Variants in PRKG1 observed in about 807,000 individuals in gnomAD.
PRKG1 encodes the protein protein kinase cGMP-dependent 1.
PRKG1 carries 35 observed loss-of-function variants against 88.1 expected under a neutral mutation model. The ratio of observed to expected loss-of-function variants is 0.40; its 90% CI spans 0.30 to 0.53. The LOEUF (loss-of-function observed/expected upper bound fraction) is 0.53, where lower values mean the gene tolerates loss of function less well. Among genes scored for constraint, PRKG1 ranks in the 20% least tolerant of loss-of-function variants. The probability of loss-of-function intolerance (pLI) is 0.59; values close to 1 mark genes in which losing one functional copy is unlikely to be tolerated. For synonymous variants in PRKG1, 303 were observed against 292.5 expected (o/e 1.04, Z -0.37); for missense variants, 540 against 839.8 (o/e 0.64, Z 4.41).
intron 4 of PRKG1, among the ~76,000 whole-genome samples, chr10:51,829,147 G>A (rs1049427800): frequency 1.2e-4 from 18 of 152,296 alleles, no homozygotes; most frequent in African/African-American, 1.9e-4. Flanking sequence ...GTTTCTGGCC[G>A]TGTGAACATT....
chr10:51,738,087 AG>A (rs1484138426), intron 3 of PRKG1, among the ~76,000 whole-genome samples: 2 of 151,976 alleles, frequency 1.3e-5, no homozygotes, highest in Non-Finnish European at 2.9e-5. Flanking sequence ...ATTTTTTAAA[AG>A]CTCCCAGGAT....
Position 52,161,960 on chromosome 10 carries a change from C to T in PRKG1, c.1073C>T (p.Ala358Val). The change falls in exon 9 of 18, where the codon GCA (alanine) becomes GTA (valine). Residue 358 changes from alanine (A) to valine (V), a missense_variant. This residue lies in a region of PRKG1 where 400 missense variants were observed against 562.7 expected (regional missense o/e 0.71). Coordinates refer to ENST00000373980, the MANE Select transcript of PRKG1 (RefSeq NM_006258.4). The stretch of plus-strand genomic sequence containing the variant: ...GCATATGAAGATGCAGAAGCTAAAG[C>T]AAAGTAAGTGACTTTTTTCCTTAAT... ...NKAYEDAEAKAKYEAEAAFFA... is the reference protein window; with the variant it reads ...NKAYEDAEAKVKYEAEAAFFA... The T allele has an allele frequency of 1.2e-6, 2 of 1,609,706 alleles. No individual in the cohort carries two copies. The highest frequency in any genetic ancestry group is 1.7e-6 in the Non-Finnish European group (2 of 1,178,030).
chr10:51,542,268 G>T (rs1842322424), intron 3 of PRKG1, among the ~76,000 whole-genome samples: 1 of 152,126 alleles, frequency 6.6e-6, no homozygotes, highest in Admixed American at 6.5e-5. Context: ...GTCTGCACCA[G>T]AAAAAACATA....
At chr10:52,242,625 G>A (rs1007362910) in intron 9 of PRKG1, among the ~76,000 whole-genome samples, 2 of 152,076 alleles carry the variant, frequency 1.3e-5, no homozygotes, top group African/African-American at 2.4e-5. Flanking sequence ...GGCCAGGCAC[G>A]GTGCCTCACA....
chr10:51,760,781 C>CA (rs1838001088), intron 3 of PRKG1, among the ~76,000 whole-genome samples: 1 of 151,986 alleles, frequency 6.6e-6, no homozygotes, highest in African/African-American at 2.4e-5. Flanking sequence ...CAGAACTTTT[C>CA]AAAAAGATGA....
At chr10:52,044,841 A>T (rs1277763198) in intron 5 of PRKG1, among the ~76,000 whole-genome samples, 13 of 152,110 alleles carry the variant, frequency 8.5e-5, no homozygotes, top group Non-Finnish European at 1.9e-4. Context: ...GGTTCCTTAG[A>T]CACCATAAAA....
intron 7 of PRKG1, among the ~76,000 whole-genome samples, chr10:52,117,160 A>ATGTGTGTG (rs1358092566): frequency 4.8e-5 from 3 of 63,004 alleles, no homozygotes; most frequent in African/African-American, 1.7e-4. Context: ...TCTATGTGAA[A>ATGTGTGTG]TATCTGTGTG....
chr10:52,183,372 T>G (rs1839096631), intron 9 of PRKG1, among the ~76,000 whole-genome samples: 1 of 152,184 alleles, frequency 6.6e-6, no homozygotes, highest in Non-Finnish European at 1.5e-5. Context: ...GTAGTGGCTC[T>G]CCTTGCCTAA....
At chr10:52,261,712 A>G (rs920790990) in intron 10 of PRKG1, among the ~76,000 whole-genome samples, 1 of 152,114 alleles carries the variant, frequency 6.6e-6, no homozygotes, top group African/African-American at 2.4e-5. Context: ...CCAAGGAGAA[A>G]AATAAATCAT....
chr10:51,864,181 C>G (rs1461200689), intron 4 of PRKG1, among the ~76,000 whole-genome samples: 1 of 152,154 alleles, frequency 6.6e-6, no homozygotes, highest in Non-Finnish European at 1.5e-5. Flanking sequence ...TCTCTACTAA[C>G]TGGTTGAGTT....
chr10:51,102,131 A>C (rs1844701904), intron 1 of PRKG1, among the ~76,000 whole-genome samples: 1 of 152,244 alleles, frequency 6.6e-6, no homozygotes, highest in Non-Finnish European at 1.5e-5. Context: ...CTCGTGTAGT[A>C]GAAATACAAT....
chr10:51,199,519 A>G (rs1441526091), intron 2 of PRKG1, among the ~76,000 whole-genome samples: 2 of 152,146 alleles, frequency 1.3e-5, no homozygotes, highest in Non-Finnish European at 2.9e-5. Flanking sequence ...GCCTCTGCAG[A>G]TCTATTTTCT....
At chr10:51,847,717 G>C (rs1396253636) in intron 4 of PRKG1, among the ~76,000 whole-genome samples, 1 of 149,968 alleles carries the variant, frequency 6.7e-6, no homozygotes, top group East Asian at 2.0e-4. Flanking sequence ...TGAGTTAAAA[G>C]ACTAAACTCT....
At chr10:51,628,136 CTT>C (rs1382635562) in intron 3 of PRKG1, among the ~76,000 whole-genome samples, 3 of 11,712 alleles carry the variant, frequency 2.6e-4, no homozygotes, top group Non-Finnish European at 1.6e-3. Context: ...TTCTTTCTTT[CTT>C]TCTTTCTTTC....
chr10:51,637,432 GA>G (rs1839684005), intron 3 of PRKG1, among the ~76,000 whole-genome samples: 1 of 152,160 alleles, frequency 6.6e-6, no homozygotes, highest in Admixed American at 6.5e-5. Flanking sequence ...ATGCTGAAAG[GA>G]ACATAAATCA....
chr10:52,251,770 T>C, intron 10 of PRKG1, 104 bp downstream of exon 10: 1 of 944,852 alleles, frequency 1.1e-6, no homozygotes, highest in South Asian at 1.6e-5. Flanking sequence ...TCTTTCATCA[T>C]TAATTACCAT....
intron 1 of PRKG1, among the ~76,000 whole-genome samples, chr10:51,035,841 A>G (rs1384673854): frequency 6.6e-6 from 1 of 152,106 alleles, no homozygotes; most frequent in African/African-American, 2.4e-5. Flanking sequence ...ATTCTCTTAT[A>G]TGTCTTTCTA....
intron 4 of PRKG1, among the ~76,000 whole-genome samples, chr10:51,809,204 C>T (rs1839387435): frequency 6.6e-6 from 1 of 151,818 alleles, no homozygotes; most frequent in African/African-American, 2.4e-5. Context: ...GATTCTGTCT[C>T]TTTAATCCTA....
At chr10:51,902,033 AAT>A (rs528992935) in intron 4 of PRKG1, among the ~76,000 whole-genome samples, 7 of 152,260 alleles carry the variant, frequency 4.6e-5, no homozygotes, top group Middle Eastern at 3.4e-3. Flanking sequence ...GTGACTTGAG[AAT>A]ATGAGTCTTC....
Sources: gnomAD v4.1 joint callset for allele counts (sites outside exome capture counted in the v4.1 genomes callset) on GRCh38, gnomAD v4.1.1 for gene constraint, gnomAD v4.1.1 regional missense constraint, MANE v1.5 for transcripts, NCBI Gene and HGNC (gene_info 2026-07-23, HGNC 2026-07-21) for gene names.